Variants in ZNF430 observed in about 807,000 individuals in gnomAD.
The protein encoded by ZNF430 is zinc finger protein 430.
Under a neutral mutation model 56.7 loss-of-function variants are expected in ZNF430, and 35 were observed. The observed-to-expected ratio is 0.62, with a 90% confidence interval of 0.47 to 0.82. The LOEUF (loss-of-function observed/expected upper bound fraction) is 0.82. ZNF430 is among the 40% of genes least tolerant of loss of function. ZNF430 has a pLI of 0.00. For synonymous variants in ZNF430, 212 were observed against 224.3 expected (o/e 0.94, Z 0.49); for missense variants, 574 against 661.0 (o/e 0.87, Z 1.44).
intron 4 of ZNF430, chr19:21,034,539 CTTTT>C: frequency 6.5e-6 from 1 of 154,574 alleles, no homozygotes; most frequent in Non-Finnish European, 1.4e-5. Flanking sequence ...TTTTTTCTTT[CTTTT>C]TTTTTTTTTT....
Position 21,057,276 on chromosome 19 carries a change from G to T in ZNF430, c.968G>T (p.Gly323Val). Residue 323 changes from glycine (G) to valine (V), a missense_variant, in exon 5 of 5, where the codon GGC (glycine) becomes GTC (valine). Coordinates refer to ENST00000261560, the MANE Select transcript of ZNF430 (RefSeq NM_025189.4). ...AAACCCTACAGATGTGAAGAATGTG[G>T]CAGAGCTTTTAACCGGTCCTCACAC... The part of the protein sequence containing the change: ...GEKPYRCEEC[G>V]RAFNRSSHLT... 1.2e-6 allele frequency: 2 copies of T among 1,613,180 alleles called. No homozygotes were observed. Among genetic ancestry groups the T allele is most frequent in the Non-Finnish European group, 8.5e-7 (1 of 1,179,858 alleles).
chr19:21,046,164 A>T (rs1358281940), intron 4 of ZNF430, among the ~76,000 whole-genome samples: 1 of 152,046 alleles, frequency 6.6e-6, no homozygotes, highest in African/African-American at 2.4e-5. Flanking sequence ...TCTACTAAAA[A>T]TATAAAAATT....
intron 4 of ZNF430, among the ~76,000 whole-genome samples, chr19:21,055,860 A>G (rs755471241): frequency 3.9e-5 from 6 of 152,042 alleles, no homozygotes; most frequent in African/African-American, 7.3e-5. Flanking sequence ...CAGCAGACTT[A>G]AACTGTCATT....
At chr19:21,052,246 A>C (rs370558933) in intron 4 of ZNF430, among the ~76,000 whole-genome samples, 1 of 152,162 alleles carries the variant, frequency 6.6e-6, no homozygotes, top group East Asian at 1.9e-4. Flanking sequence ...CAGGTGGTCT[A>C]TCAAGGAGAA....
chr19:21,026,456 G>C (rs1967798127), intron 2 of ZNF430, among the ~76,000 whole-genome samples: 1 of 152,134 alleles, frequency 6.6e-6, no homozygotes, highest in African/African-American at 2.4e-5. Context: ...CAAAGTGCTG[G>C]GGTTACAGGC....
Position 21,057,065 on chromosome 19 carries a change from A to G in ZNF430, c.757A>G (p.Arg253Gly), listed in dbSNP as rs1568594153. 1 of 1,614,150 alleles carries G rather than the reference A, an allele frequency of 6.2e-7. No individual in the cohort carries two copies. The highest frequency in any genetic ancestry group is 8.5e-7 in the Non-Finnish European group (1 of 1,179,992). The part of the protein sequence containing the change: ...NWFSTLTRHR[R>G]IHTGEKPYKC... ...GTTCTCAACCCTTACTAGACACAGA[A>G]GAATTCATACTGGAGAGAAACCCTA... is the stretch of plus-strand genomic sequence containing the variant. Residue 253 changes from arginine to glycine, a missense_variant, in exon 5 of 5, where the codon AGA (arginine) becomes GGA (glycine). By Grantham distance (125) the Arg-to-Gly change is moderately radical (BLOSUM62 -2). Coordinates refer to ENST00000261560, the MANE Select transcript of ZNF430 (RefSeq NM_025189.4).
intron 2 of ZNF430, among the ~76,000 whole-genome samples, chr19:21,025,252 C>T (rs1967770489): frequency 6.6e-6 from 1 of 152,130 alleles, no homozygotes. Flanking sequence ...ATTTTTGCCT[C>T]CCAATTAGAC....
rs144587065 is a variant in ZNF430 at position 21,034,178 on chromosome 19, C to A, written c.316C>A (p.Pro106Thr). The A allele has an allele frequency of 3.3e-4, 524 of 1,594,932 alleles. No individual in the cohort carries two copies. The African/African-American group carries it at 6.1e-3, about 19-fold the overall frequency. The change falls in exon 4 of 5, where the codon CCC becomes ACC. Residue 106 changes from proline to threonine, a missense_variant. Coordinates refer to ENST00000261560, the MANE Select transcript of ZNF430 (RefSeq NM_025189.4). ...NMKRHAMVDQ[P>T]PVTYSHFAQD... ...GAAGAGACATGCGATGGTAGATCAA[C>A]CCCCAGGTAGGTGAGAGTGAACACA...
At chr19:21,053,838 GTC>G (rs895741891) in intron 4 of ZNF430, among the ~76,000 whole-genome samples, 1 of 151,898 alleles carries the variant, frequency 6.6e-6, no homozygotes, top group African/African-American at 2.4e-5. Context: ...TTGTATCTTT[GTC>G]TCTCATTTTC....
intron 4 of ZNF430, among the ~76,000 whole-genome samples, chr19:21,050,064 T>C (rs1283276898): frequency 9.7e-6 from 1 of 103,552 alleles, no homozygotes; most frequent in Non-Finnish European, 2.0e-5. Flanking sequence ...TTGTATTTTT[T>C]CAGTAGAGGC....
At chr19:21,021,043 T>G (rs1974288703) in intron 1 of ZNF430, among the ~76,000 whole-genome samples, 1 of 152,198 alleles carries the variant, frequency 6.6e-6, no homozygotes, top group Non-Finnish European at 1.5e-5. Context: ...GAGCCCTCTC[T>G]GGGCAGCTCT....
intron 4 of ZNF430, among the ~76,000 whole-genome samples, chr19:21,045,146 GTTC>G (rs1291489764): frequency 2.0e-5 from 3 of 152,022 alleles, no homozygotes; most frequent in African/African-American, 7.2e-5. Context: ...TGATTCTCTT[GTTC>G]TTTTAATTGT....
chr19:21,023,644 T>G (rs1452046042), intron 2 of ZNF430, among the ~76,000 whole-genome samples: 1 of 152,206 alleles, frequency 6.6e-6, no homozygotes, highest in Non-Finnish European at 1.5e-5. Context: ...GTTCCATTTT[T>G]TTGTAGAAAA....
At chr19:21,022,374 C>T (rs1967708223) in intron 1 of ZNF430, among the ~76,000 whole-genome samples, 2 of 152,174 alleles carry the variant, frequency 1.3e-5, no homozygotes, top group South Asian at 4.1e-4. Context: ...CCAACTTTTC[C>T]TACCTAATTC....
chr19:21,053,676 G>T (rs182237370), intron 4 of ZNF430: 1 of 152,200 alleles, frequency 6.6e-6, no homozygotes, highest in African/African-American at 2.4e-5. Context: ...TTACAGGCGT[G>T]AGCCACTGCG....
intron 4 of ZNF430, among the ~76,000 whole-genome samples, chr19:21,056,188 A>T (rs1240877298): frequency 6.6e-6 from 1 of 152,180 alleles, no homozygotes; most frequent in Non-Finnish European, 1.5e-5. Flanking sequence ...GTAAAAAATT[A>T]GGGCCTTTGG....
intron 2 of ZNF430, among the ~76,000 whole-genome samples, chr19:21,024,747 T>A (rs1967761284): frequency 6.6e-6 from 1 of 150,766 alleles, no homozygotes; most frequent in South Asian, 2.1e-4. Flanking sequence ...GCCACTGCAC[T>A]CCAGCCTGGG....
At chr19:21,027,016 G>A (rs905420965) in intron 2 of ZNF430, among the ~76,000 whole-genome samples, 3 of 151,770 alleles carry the variant, frequency 2.0e-5, no homozygotes, top group East Asian at 3.9e-4. Context: ...TTTTAGGAGA[G>A]ACGGGGTTTC....
intron 2 of ZNF430, chr19:21,026,025 C>G (rs960701112): frequency 1.6e-5 from 6 of 368,808 alleles, no homozygotes; most frequent in African/African-American, 1.3e-4. Flanking sequence ...ATGGTTTCCT[C>G]TGGATGCACT....
Sources: gnomAD v4.1 joint callset for allele counts (sites outside exome capture counted in the v4.1 genomes callset) on GRCh38, gnomAD v4.1.1 for gene constraint, MANE v1.5 for transcripts, NCBI Gene and HGNC (gene_info 2026-07-23, HGNC 2026-07-21) for gene names.